DPYSL5: variants seen among roughly 807,000 people sequenced by gnomAD.
The protein encoded by DPYSL5 is dihydropyrimidinase-related protein 5.
A neutral mutation model predicts 58.4 loss-of-function variants in DPYSL5; 9 were observed. That is an observed-to-expected ratio of 0.15 (90% CI 0.09 to 0.27). The LOEUF (loss-of-function observed/expected upper bound fraction) is 0.27, where lower values mean the gene tolerates loss of function less well. Ranked by LOEUF, DPYSL5 falls within the 10% of genes least tolerant of loss-of-function variation. DPYSL5 has a pLI of 1.00. For synonymous variants in DPYSL5, 293 were observed against 301.9 expected, an observed-to-expected ratio of 0.97 and a Z score of 0.31; for missense variants, 499 against 770.6, an observed-to-expected ratio of 0.65 and a Z score of 4.17.
At chr2:26,902,213 G>C (rs973060068) in intron 2 of DPYSL5, among the ~76,000 whole-genome samples, 4 of 152,096 alleles carry the variant, frequency 2.6e-5, no homozygotes, top group African/African-American at 9.7e-5. Flanking sequence ...CACCAACTGT[G>C]TTCAGAAGGA....
At chr2:26,931,152 A>AAAAAAAAT (rs1209140758) in intron 5 of DPYSL5, among the ~76,000 whole-genome samples, 7 of 48,820 alleles carry the variant, frequency 1.4e-4, no homozygotes, top group African/African-American at 3.3e-4. Flanking sequence ...AAAAAAAAAA[A>AAAAAAAAT]ATATATATAT....
chr2:26,906,915 T>G (rs1664306678), intron 2 of DPYSL5, among the ~76,000 whole-genome samples: 1 of 151,968 alleles, frequency 6.6e-6, no homozygotes, highest in South Asian at 2.1e-4. Flanking sequence ...CACATGCCAC[T>G]GTGCCCAGCT....
intron 1 of DPYSL5, among the ~76,000 whole-genome samples, chr2:26,878,298 C>T (rs1663463908): frequency 6.6e-6 from 1 of 152,156 alleles, no homozygotes; most frequent in African/African-American, 2.4e-5. Flanking sequence ...CCCTCCTCCC[C>T]TTGTGGGTTA....
intron 8 of DPYSL5, chr2:26,939,041 G>A (rs1665252786): frequency 6.6e-6 from 1 of 152,428 alleles, no homozygotes; most frequent in Admixed American, 6.5e-5. Flanking sequence ...GCTGCCATGA[G>A]CCCTCTCTCC....
At chr2:26,880,631 C>T (rs1384229683) in intron 1 of DPYSL5, among the ~76,000 whole-genome samples, 2 of 152,242 alleles carry the variant, frequency 1.3e-5, no homozygotes, top group Admixed American at 1.3e-4. Flanking sequence ...CTCCGCCTCC[C>T]CTCTTTTCTC....
In DPYSL5 at chr2:26,877,299, CTATT is replaced by C. The variant is rs1241552484; in HGVS notation, c.-4-21183_-4-21180del. Among the ~76,000 whole-genome samples the C allele has an allele frequency of 3.3e-5, 5 of 152,044 alleles. No individual in the cohort carries two copies. The highest frequency in any genetic ancestry group is 9.7e-5 in the African/African-American group (4 of 41,398). ...CTTTATTATAACAATATTTTTATTT[CTATT>C]TATTTATTTATTTTTTTAAGGCCAA... On this transcript the variant is annotated intron_variant, in intron 1 of 12. Coordinates refer to ENST00000288699, the MANE Select transcript of DPYSL5 (RefSeq NM_020134.4). This position sits in a 1 kb window ranked among gnomAD's most constrained non-coding sequence, Gnocchi z 4.1.
Position 26,877,106 on chromosome 2 carries a change from A to G in DPYSL5, c.-4-21390A>G, listed in dbSNP as rs1663432412. On this transcript the variant is annotated intron_variant, in intron 1 of 12. Coordinates refer to ENST00000288699, the MANE Select transcript of DPYSL5 (RefSeq NM_020134.4). This position sits in a 1 kb window ranked among gnomAD's most constrained non-coding sequence, Gnocchi z 4.1. ...CTCAGCCTCCCGAGTAGCTGGGATT[A>G]TAGGCGCCTGCCACCAAGCCCGGCT... 6.6e-6 allele frequency among the ~76,000 whole-genome samples: 1 copy of G among 150,620 alleles called. No individual in the cohort carries two copies. The highest frequency in any genetic ancestry group is 1.5e-5 in the Non-Finnish European group (1 of 67,860).
intron 1 of DPYSL5, among the ~76,000 whole-genome samples, chr2:26,887,186 G>A (rs1212950836): frequency 6.6e-6 from 1 of 152,236 alleles, no homozygotes; most frequent in African/African-American, 2.4e-5. Flanking sequence ...ACGTTTTTCT[G>A]TGGATTCTAT....
At position 26,947,260 on chromosome 2, in the gene DPYSL5, A is replaced by G; in HGVS notation, c.*265A>G. ...CTTTTCTGGGGCCCAGGAAGCCCAC[A>G]CTATGCACAGAGCCCAATGCATAGA... On this transcript the variant is annotated 3_prime_UTR_variant, in exon 13 of 13. Transcript: ENST00000288699. The surrounding 1 kb of genome is among the most constrained non-coding windows in gnomAD (Gnocchi z 4.2). 2.2e-6 allele frequency: 1 copy of G among 450,222 alleles called. No individual in the cohort carries two copies. The highest frequency in any genetic ancestry group is 2.5e-5 in the South Asian group (1 of 39,902). The allele number at this position is 450,222 out of a possible 1,614,324, so 27.9% of individuals were successfully genotyped here. A position where few individuals can be genotyped will look rare whatever the true frequency, so the allele number is the denominator to read the frequency against.
intron 1 of DPYSL5, among the ~76,000 whole-genome samples, chr2:26,881,480 TC>T (rs1427753873): frequency 1.3e-5 from 2 of 152,138 alleles, no homozygotes; most frequent in Non-Finnish European, 2.9e-5. Flanking sequence ...GTCATGAATT[TC>T]CATGGGCACT....
Position 26,934,808 on chromosome 2 carries a change from A to T in DPYSL5, c.947+74A>T, listed in dbSNP as rs1451704993. The T allele has an allele frequency of 1.5e-5, 23 of 1,558,070 alleles. No individual in the cohort carries two copies. The highest frequency in any genetic ancestry group is 1.8e-5 in the Non-Finnish European group (21 of 1,144,286). ...GACGTCATAGAGGGCCCAGGAAACAAATCTGAGCTAGGTTTGATTTCATTG... is the reference window on the plus strand; with the variant it reads ...GACGTCATAGAGGGCCCAGGAAACATATCTGAGCTAGGTTTGATTTCATTG... On this transcript the variant is annotated intron_variant, in intron 8 of 12. Coordinates refer to ENST00000288699, the MANE Select transcript of DPYSL5 (RefSeq NM_020134.4). The surrounding 1 kb of genome is among the most constrained non-coding windows in gnomAD (Gnocchi z 4.3).
At position 26,946,892 on chromosome 2, in the gene DPYSL5, G is replaced by C. The variant is rs553942344; in HGVS notation, c.1610-18G>C. The C allele has an allele frequency of 1.2e-6, 2 of 1,611,110 alleles. No homozygotes were observed. Among genetic ancestry groups the C allele is most frequent in the South Asian group, 2.2e-5 (2 of 90,976 alleles). On this transcript the variant is annotated intron_variant, in intron 12 of 12. Coordinates refer to ENST00000288699, the MANE Select transcript of DPYSL5 (RefSeq NM_020134.4). ...GGCACAAGAGCCCGTCTCACCCTCT[G>C]TGCTTCCTTCCCTGCAGGCTCTCAG...
At chr2:26,864,619 G>A (rs1431836488) in intron 1 of DPYSL5, among the ~76,000 whole-genome samples, 3 of 152,212 alleles carry the variant, frequency 2.0e-5, no homozygotes, top group Non-Finnish European at 4.4e-5. Context: ...TGACTAACGT[G>A]AACCATCCTG....
intron 1 of DPYSL5, among the ~76,000 whole-genome samples, chr2:26,854,423 C>CA (rs1665827892): frequency 6.6e-6 from 1 of 152,136 alleles, no homozygotes; most frequent in Non-Finnish European, 1.5e-5. Context: ...CACACCATTG[C>CA]ACTGTAGCCT....
At chr2:26,913,088 G>A (rs942303526) in intron 2 of DPYSL5, among the ~76,000 whole-genome samples, 6 of 152,178 alleles carry the variant, frequency 3.9e-5, no homozygotes, top group African/African-American at 9.7e-5. Context: ...GTGTAAACAT[G>A]CAACATAAAA....
Position 26,944,812 on chromosome 2 carries a change from T to G in DPYSL5, c.1597T>G (p.Phe533Val). 6.2e-7 allele frequency: 1 copy of G among 1,614,090 alleles called. No individual in the cohort carries two copies. Among genetic ancestry groups the G allele is most frequent in the Non-Finnish European group, 8.5e-7 (1 of 1,179,976 alleles). Residue 533 changes from phenylalanine (F) to valine (V), a missense_variant, in exon 12 of 13, where the codon TTC (phenylalanine) becomes GTC (valine). Phe to Val is a conservative substitution (Grantham distance 50, BLOSUM62 -1). Transcript: ENST00000288699. The surrounding 1 kb of genome is among the most constrained non-coding windows in gnomAD (Gnocchi z 4.4). Reference sequence around the variant, plus strand: ...CATGAGGGACCTTCACGAATCCAGCTTCAGCCTCTCTGGTAAGAGTCAGGG... The same window carrying G: ...CATGAGGGACCTTCACGAATCCAGCGTCAGCCTCTCTGGTAAGAGTCAGGG... ...GGMRDLHESSFSLSGSQIDDH... is the reference protein window; with the variant it reads ...GGMRDLHESSVSLSGSQIDDH...
At chr2:26,884,046 G>A (rs951081503) in intron 1 of DPYSL5, among the ~76,000 whole-genome samples, 1 of 152,188 alleles carries the variant, frequency 6.6e-6, no homozygotes, top group South Asian at 2.1e-4. Context: ...GGAGACCCTT[G>A]AGCTGCAGCT....
chr2:26,931,585 T>C, intron 5 of DPYSL5, 55 bp from the exon 6 acceptor site: 1 of 1,607,326 alleles, frequency 6.2e-7, no homozygotes, highest in African/African-American at 1.3e-5. Flanking sequence ...ATGGTGTGGG[T>C]ATCCTTGGAG....
At position 26,876,827 on chromosome 2, in the gene DPYSL5, A is replaced by G. The variant is rs11886996; in HGVS notation, c.-4-21669A>G. On this transcript the variant is annotated intron_variant, in intron 1 of 12. Coordinates refer to ENST00000288699, the MANE Select transcript of DPYSL5 (RefSeq NM_020134.4). The stretch of plus-strand genomic sequence containing the variant: ...CACCGCGCCCGGCCATGATGTCCAG[A>G]TTAATGGTTGTTAAAGAAATATACA... Among the ~76,000 whole-genome samples, 1,364 of 150,246 alleles carry G rather than the reference A, an allele frequency of 9.1e-3. 22 individuals carry two copies. The highest frequency in any genetic ancestry group is 0.031 in the African/African-American group (1,274 of 40,906).
Sources: allele counts gnomAD v4.1 joint callset (sites outside exome capture counted in the v4.1 genomes callset), GRCh38; gene constraint gnomAD v4.1.1; non-coding constraint Gnocchi (gnomAD v3.1); transcripts MANE v1.5; gene names NCBI Gene and HGNC (gene_info 2026-07-23, HGNC 2026-07-21).